TMEM117: variants seen among roughly 807,000 people sequenced by gnomAD.
TMEM117 encodes transmembrane protein 117.
TMEM117 carries 27 observed loss-of-function variants against 52.4 expected under a neutral mutation model. That is an observed-to-expected ratio of 0.51 (90% CI 0.38 to 0.71). The LOEUF is 0.71. Ranked by LOEUF, TMEM117 falls within the 30% of genes least tolerant of loss-of-function variation. The pLI is 0.00. For synonymous variants in TMEM117, 215 were observed against 206.3 expected (o/e 1.04, Z -0.36); for missense variants, 556 against 630.5 (o/e 0.88, Z 1.26).
In TMEM117 at chr12:44,143,556, C is replaced by T. The variant is rs781380143; in HGVS notation, c.442C>T (p.Arg148Ter). 1.9e-5 allele frequency: 30 copies of T among 1,613,676 alleles called. No individual in the cohort carries two copies. The highest frequency in any genetic ancestry group is 4.0e-5 in the African/African-American group (3 of 74,876). ...TATCATTACAGACTATATGGGCATC[C>T]GAAATGAAAGTTTCATGAAATTAGC... ...AYIITDYMGI[R>*]NESFMKLAAV... Residue 148 changes from arginine (R) to a stop codon, truncating the protein, a stop_gained, in exon 4 of 8, where the codon CGA (arginine) becomes TGA (stop). Transcript: ENST00000266534. LOFTEE classifies it high-confidence loss of function.
intron 3 of TMEM117, among the ~76,000 whole-genome samples, chr12:43,974,398 A>T (rs183839865): frequency 1.7e-4 from 26 of 152,228 alleles, no homozygotes; most frequent in Admixed American, 5.2e-4. Flanking sequence ...GAGAATATTA[A>T]TATTATTTAT....
chr12:44,131,562 T>C (rs1948414271), intron 3 of TMEM117, among the ~76,000 whole-genome samples: 1 of 152,168 alleles, frequency 6.6e-6, no homozygotes, highest in African/African-American at 2.4e-5. Context: ...GCTTGTTCCA[T>C]TGATTATTGA....
chr12:44,233,716 T>G (rs1476677227), intron 5 of TMEM117, among the ~76,000 whole-genome samples: 1 of 151,442 alleles, frequency 6.6e-6, no homozygotes, highest in Non-Finnish European at 1.5e-5. Context: ...CATAGTGGCA[T>G]TTTCTTTTCC....
At chr12:44,270,124 C>A (rs967741904) in intron 5 of TMEM117, among the ~76,000 whole-genome samples, 1 of 152,144 alleles carries the variant, frequency 6.6e-6, no homozygotes, top group African/African-American at 2.4e-5. Context: ...TAGGCACACC[C>A]AAATAGCACA....
chr12:44,364,213 G>A (rs891011078), intron 6 of TMEM117, among the ~76,000 whole-genome samples: 2 of 151,986 alleles, frequency 1.3e-5, no homozygotes, highest in Non-Finnish European at 2.9e-5. Flanking sequence ...TAGTTTTTAC[G>A]ATTGCTTCCA....
chr12:44,257,151 GAAGA>G (rs1950268827), intron 5 of TMEM117, among the ~76,000 whole-genome samples: 1 of 151,356 alleles, frequency 6.6e-6, no homozygotes, highest in South Asian at 2.1e-4. Flanking sequence ...CTCAAGCAAA[GAAGA>G]AAGAGGCAGA....
In TMEM117 at chr12:43,947,435, G is replaced by C. The variant is rs560404570; in HGVS notation, c.410+3093G>C. Reference sequence around the variant, plus strand: ...TTGATCAAGTGAGCACATTGAAATAGGAGTGTAAACTTGGAGGAAAATCAG... The same window carrying C: ...TTGATCAAGTGAGCACATTGAAATACGAGTGTAAACTTGGAGGAAAATCAG... On this transcript the variant is annotated intron_variant, in intron 3 of 7. Coordinates refer to ENST00000266534, the MANE Select transcript of TMEM117 (RefSeq NM_032256.3). Among the ~76,000 whole-genome samples the C allele has an allele frequency of 3.3e-5, 5 of 152,280 alleles. No homozygotes were observed. The South Asian group carries it at 1.0e-3, about 32-fold the overall frequency.
In TMEM117 at chr12:44,311,913, G is replaced by GTA. The variant is rs139786914; in HGVS notation, c.768+12190_768+12191dup. ...TATATATGTGTATATATATATGTGT[G>GTA]TATATATATATATATATTTTTCCTC... On this transcript the variant is annotated intron_variant, in intron 6 of 7. Coordinates refer to ENST00000266534, the MANE Select transcript of TMEM117 (RefSeq NM_032256.3). 2.7e-3 allele frequency among the ~76,000 whole-genome samples: 348 copies of GTA among 127,872 alleles called. 4 individuals carry two copies. The highest frequency in any genetic ancestry group is 8.2e-3 in the African/African-American group (225 of 27,548). 83.9% of individuals were successfully genotyped at this position (127,872 alleles called of 152,430 possible).
chr12:44,395,627 G>A, the TMEM117 span, among the ~76,000 whole-genome samples: 1 of 152,136 alleles, frequency 6.6e-6, no homozygotes, highest in South Asian at 2.1e-4. Context: ...CACTGAACTG[G>A]GTGTTCACTG....
intron 5 of TMEM117, among the ~76,000 whole-genome samples, chr12:44,219,318 A>G (rs1174609046): frequency 6.6e-6 from 1 of 152,192 alleles, no homozygotes; most frequent in Non-Finnish European, 1.5e-5. Context: ...TGTTGTTTGT[A>G]TGAAAGAGTC....
At chr12:43,846,000 T>C (rs901318403) in intron 2 of TMEM117, among the ~76,000 whole-genome samples, 20 of 152,118 alleles carry the variant, frequency 1.3e-4, no homozygotes, top group African/African-American at 4.8e-4. Context: ...AGTTTATAAA[T>C]CATAAAAAAA....
At chr12:43,906,897 A>G (rs1242085557) in intron 2 of TMEM117, among the ~76,000 whole-genome samples, 1 of 152,232 alleles carries the variant, frequency 6.6e-6, no homozygotes, top group Non-Finnish European at 1.5e-5. Context: ...ATCAAACTGC[A>G]AGGCGGCAGC....
At chr12:44,024,092 A>T (rs1235297220) in intron 3 of TMEM117, among the ~76,000 whole-genome samples, 2 of 152,216 alleles carry the variant, frequency 1.3e-5, no homozygotes, top group Non-Finnish European at 2.9e-5. Context: ...GTAACGTGAG[A>T]TCAGAAAAGA....
the TMEM117 span, chr12:43,805,896 A>G: frequency 1.4e-6 from 2 of 1,468,538 alleles, no homozygotes; most frequent in Non-Finnish European, 1.8e-6. Flanking sequence ...CTACGTGACC[A>G]AAAGGGGGAA....
intron 2 of TMEM117, among the ~76,000 whole-genome samples, chr12:43,920,594 A>G (rs1944677596): frequency 8.2e-6 from 1 of 121,788 alleles, no homozygotes; most frequent in Admixed American, 1.0e-4. Flanking sequence ...TATTTTGCCC[A>G]GGCTGGAGTG....
intron 5 of TMEM117, among the ~76,000 whole-genome samples, chr12:44,275,297 A>G (rs564427191): frequency 6.6e-4 from 101 of 152,254 alleles, no homozygotes; most frequent in African/African-American, 2.4e-3. Flanking sequence ...GACAGACAAT[A>G]ACAAATAATG....
chr12:43,867,070 CA>C (rs1943614086), intron 2 of TMEM117, among the ~76,000 whole-genome samples: 6 of 149,704 alleles, frequency 4.0e-5, no homozygotes, highest in Admixed American at 3.3e-4. Context: ...GCCTGGGCAA[CA>C]AGAGCAAAAA....
intron 5 of TMEM117, among the ~76,000 whole-genome samples, chr12:44,228,238 G>T (rs1356012432): frequency 1.3e-5 from 2 of 152,058 alleles, no homozygotes; most frequent in Non-Finnish European, 2.9e-5. Context: ...GGGCATTGCA[G>T]TCACCCCGAG....
intron 2 of TMEM117, among the ~76,000 whole-genome samples, chr12:43,934,051 G>A (rs1252187773): frequency 2.0e-5 from 3 of 152,258 alleles, no homozygotes; most frequent in East Asian, 3.9e-4. Context: ...CTGATGTTTG[G>A]TGGGTTTTGA....
Sources: allele counts gnomAD v4.1 joint callset (sites outside exome capture counted in the v4.1 genomes callset), GRCh38; gene constraint gnomAD v4.1.1; transcripts MANE v1.5; gene names NCBI Gene and HGNC (gene_info 2026-07-23, HGNC 2026-07-21).